Variants in KALRN observed in about 807,000 individuals in gnomAD.
The protein encoded by KALRN is kalirin.
KALRN carries 70 observed loss-of-function variants against 353.7 expected under a neutral mutation model. The ratio of observed to expected loss-of-function variants is 0.20; its 90% CI spans 0.16 to 0.24. The LOEUF is 0.24. Ranked by LOEUF, KALRN falls within the 10% of genes least tolerant of loss-of-function variation. The probability of loss-of-function intolerance (pLI) is 1.00; values close to 1 mark genes in which losing one functional copy is unlikely to be tolerated. For synonymous variants in KALRN, 1,391 were observed against 1,434.8 expected (o/e 0.97, Z 0.69); for missense variants, 2,791 against 3,756.7 (o/e 0.74, Z 6.72).
At chr3:124,506,566 G>T (rs1434469576) in intron 33 of KALRN, among the ~76,000 whole-genome samples, 1 of 152,152 alleles carries the variant, frequency 6.6e-6, no homozygotes. Context: ...CTGCATGACC[G>T]CTGCTGATCC....
At chr3:124,086,879 C>T (rs1179834621) in intron 1 of KALRN, among the ~76,000 whole-genome samples, 1 of 152,150 alleles carries the variant, frequency 6.6e-6, no homozygotes, top group Non-Finnish European at 1.5e-5. Context: ...TAAGTTATCC[C>T]TTTCTGATCA....
At chr3:124,120,745 T>TA (rs2063922942) in intron 1 of KALRN, among the ~76,000 whole-genome samples, 41 of 143,442 alleles carry the variant, frequency 2.9e-4, no homozygotes, top group African/African-American at 9.6e-4. Flanking sequence ...TATATATATA[T>TA]TTTCACATAA....
At chr3:124,486,785 A>G (rs532503601) in intron 28 of KALRN, among the ~76,000 whole-genome samples, 2 of 152,304 alleles carry the variant, frequency 1.3e-5, no homozygotes, top group Non-Finnish European at 2.9e-5. Context: ...TGTATGTCAC[A>G]TTGTATCACT....
At chr3:124,224,259 T>A (rs2078244275) in intron 1 of KALRN, among the ~76,000 whole-genome samples, 1 of 150,750 alleles carries the variant, frequency 6.6e-6, no homozygotes, top group East Asian at 2.0e-4. Context: ...AACAGGTCTA[T>A]GATTGGTCTA....
intron 1 of KALRN, among the ~76,000 whole-genome samples, chr3:124,096,943 A>C (rs2061489535): frequency 6.6e-6 from 1 of 152,234 alleles, no homozygotes; most frequent in African/African-American, 2.4e-5. Context: ...TTTGATCACC[A>C]CATATGGCTG....
intron 16 of KALRN, among the ~76,000 whole-genome samples, chr3:124,431,323 G>A (rs1482842067): frequency 1.3e-5 from 2 of 152,200 alleles, no homozygotes; most frequent in Non-Finnish European, 2.9e-5. Context: ...AATAATGCTG[G>A]TAGAACAGTA....
chr3:124,371,584 A>G (rs895316599), intron 10 of KALRN, among the ~76,000 whole-genome samples: 1 of 152,214 alleles, frequency 6.6e-6, no homozygotes, highest in Non-Finnish European at 1.5e-5. Flanking sequence ...TACAAAAATA[A>G]GGAAACATTT....
At chr3:124,193,013 A>G (rs1055433257) in intron 1 of KALRN, among the ~76,000 whole-genome samples, 3 of 152,202 alleles carry the variant, frequency 2.0e-5, no homozygotes, top group Admixed American at 6.5e-5. Flanking sequence ...TTGTCAGCAT[A>G]TGTACTTCTA....
At chr3:124,306,585 T>C (rs1240871265) in intron 6 of KALRN, among the ~76,000 whole-genome samples, 1 of 152,098 alleles carries the variant, frequency 6.6e-6, no homozygotes, top group East Asian at 1.9e-4. Context: ...TATTAAATTA[T>C]TAGATGAAAT....
intron 1 of KALRN, among the ~76,000 whole-genome samples, chr3:124,140,952 A>G (rs1359731341): frequency 1.3e-5 from 2 of 152,192 alleles, no homozygotes; most frequent in Non-Finnish European, 2.9e-5. Flanking sequence ...CATAGAATGG[A>G]AATAATCTAC....
chr3:124,646,266 A>G (rs1433154880), intron 37 of KALRN, among the ~76,000 whole-genome samples: 1 of 152,054 alleles, frequency 6.6e-6, no homozygotes, highest in African/African-American at 2.4e-5. Context: ...TTTTCCTTAT[A>G]TGGAGCTCGC....
In KALRN at chr3:124,633,924, T is replaced by C. The variant is rs1187137767; in HGVS notation, c.5539T>C (p.Phe1847Leu). 1 of 1,614,138 alleles carries C rather than the reference T, an allele frequency of 6.2e-7. No homozygotes were observed. Among genetic ancestry groups the C allele is most frequent in the Non-Finnish European group, 8.5e-7 (1 of 1,179,996 alleles). The change falls in exon 36 of 60, where the codon TTT becomes CTT. Residue 1847 changes from phenylalanine (F) to leucine (L), a missense_variant. By Grantham distance (22) the Phe-to-Leu change is conservative. Transcript: ENST00000682506. ...HTPLPPPMKI[F>L]DNDPTQDEMS... ...ACCCCTCCCACCACCTATGAAGATT[T>C]TTGACAACGACCCTACACAGGATGA... is the stretch of plus-strand genomic sequence containing the variant.
chr3:124,693,103 C>CGACT (rs2061897694), intron 51 of KALRN, among the ~76,000 whole-genome samples: 4 of 152,306 alleles, frequency 2.6e-5, no homozygotes, highest in African/African-American at 7.2e-5. Flanking sequence ...TCGGCTTAGT[C>CGACT]ACTTAGTATT....
At chr3:124,621,394 G>A (rs1425740269) in intron 34 of KALRN, among the ~76,000 whole-genome samples, 6 of 152,330 alleles carry the variant, frequency 3.9e-5, no homozygotes, top group African/African-American at 1.4e-4. Context: ...AGGATGTTGA[G>A]TTGGTAAAGG....
chr3:124,066,086 C>G (rs1290413813), intron 1 of KALRN, among the ~76,000 whole-genome samples: 1 of 152,130 alleles, frequency 6.6e-6, no homozygotes, highest in Non-Finnish European at 1.5e-5. Flanking sequence ...AGAGGGGCAG[C>G]AGGTCATCTC....
At chr3:124,527,611 AAAG>A (rs757458052) in intron 33 of KALRN, among the ~76,000 whole-genome samples, 3 of 148,950 alleles carry the variant, frequency 2.0e-5, no homozygotes, top group Admixed American at 6.7e-5. Flanking sequence ...AAAAAAAAAA[AAAG>A]AAGAAGAAGA....
At chr3:124,535,431 A>G (rs2068426847) in intron 33 of KALRN, among the ~76,000 whole-genome samples, 1 of 152,152 alleles carries the variant, frequency 6.6e-6, no homozygotes, top group Non-Finnish European at 1.5e-5. Flanking sequence ...GTGCTACAGC[A>G]CAACCTGATA....
chr3:124,593,044 G>A (rs760060406), intron 34 of KALRN, among the ~76,000 whole-genome samples: 12 of 152,176 alleles, frequency 7.9e-5, no homozygotes, highest in African/African-American at 1.7e-4. Flanking sequence ...TCTTCCCAGC[G>A]CAGGATTAGT....
chr3:124,396,004 C>T (rs1442669881), intron 12 of KALRN, among the ~76,000 whole-genome samples: 2 of 152,240 alleles, frequency 1.3e-5, no homozygotes, highest in Non-Finnish European at 1.5e-5. Flanking sequence ...ATCTAGTTCT[C>T]TGCCCCTGTC....
Sources: allele counts gnomAD v4.1 joint callset (sites outside exome capture counted in the v4.1 genomes callset), GRCh38; gene constraint gnomAD v4.1.1; transcripts MANE v1.5; gene names NCBI Gene and HGNC (gene_info 2026-07-23, HGNC 2026-07-21).